Variants in SEPTIN9 observed in about 807,000 individuals in gnomAD.
SEPTIN9 encodes the protein septin 9, also known as septin-9.
Under a neutral mutation model 56.6 loss-of-function variants are expected in SEPTIN9, and 13 were observed. The observed-to-expected ratio is 0.23, with a 90% CI of 0.15 to 0.37. The LOEUF (loss-of-function observed/expected upper bound fraction) is 0.37, where lower values mean the gene tolerates loss of function less well. Among genes scored for constraint, SEPTIN9 ranks in the 10% least tolerant of loss-of-function variants. SEPTIN9 has a pLI of 1.00. For synonymous variants in SEPTIN9, 332 were observed against 334.1 expected (o/e 0.99, Z 0.07); for missense variants, 650 against 823.1 (o/e 0.79, Z 2.57).
At chr17:77,418,555 C>A (rs2036582125) in intron 3 of SEPTIN9, among the ~76,000 whole-genome samples, 1 of 152,140 alleles carries the variant, frequency 6.6e-6, no homozygotes, top group African/African-American at 2.4e-5. Context: ...GTTGGCCAGG[C>A]TGGTCTTGAA....
At chr17:77,355,507 C>T (rs1308079348) in intron 2 of SEPTIN9, among the ~76,000 whole-genome samples, 1 of 152,124 alleles carries the variant, frequency 6.6e-6, no homozygotes, top group East Asian at 1.9e-4. Flanking sequence ...GTGGCTGTTC[C>T]CTTGTGTCAC....
intron 1 of SEPTIN9, among the ~76,000 whole-genome samples, chr17:77,296,809 C>T (rs1344216435): frequency 6.6e-6 from 1 of 151,962 alleles, no homozygotes; most frequent in Non-Finnish European, 1.5e-5. Flanking sequence ...GCTGAGATCA[C>T]GCCACTGCAC....
chr17:77,464,138 A>G (rs1459633387), intron 3 of SEPTIN9, among the ~76,000 whole-genome samples: 1 of 152,016 alleles, frequency 6.6e-6, no homozygotes, highest in Admixed American at 6.6e-5. Context: ...CAGTGGCACG[A>G]TCTCGGCTTA....
intron 3 of SEPTIN9, among the ~76,000 whole-genome samples, chr17:77,448,752 C>T (rs1466897963): frequency 4.0e-5 from 6 of 151,634 alleles, no homozygotes; most frequent in Non-Finnish European, 7.4e-5. Flanking sequence ...ATCACCTGTT[C>T]TTACATTTTT....
chr17:77,383,751 C>T lies in SEPTIN9; in HGVS notation c.77-18308C>T, dbSNP rs756272899. Among the ~76,000 whole-genome samples the T allele has an allele frequency of 4.6e-5, 7 of 152,224 alleles. No homozygotes were observed. The East Asian group carries it at 9.7e-4, about 21-fold the overall frequency. ...GAGGTGTCAGCATCGTGGGGATCTC[C>T]GAGGGTAGCCTTCCCAGGCCCAGGG... is the stretch of plus-strand genomic sequence containing the variant. On this transcript the variant is annotated intron_variant, in intron 2 of 11. Coordinates refer to ENST00000427177, the MANE Select transcript of SEPTIN9 (RefSeq NM_001113491.2).
chr17:77,402,017 G>T lies in SEPTIN9; in HGVS notation c.77-42G>T. On this transcript the variant is annotated intron_variant, in intron 2 of 11. Transcript: ENST00000427177. This position sits in a 1 kb window ranked among gnomAD's most constrained non-coding sequence, Gnocchi z 6.6. Reference sequence around the variant, plus strand: ...AGGAAACATGCCGGAGTGTTCCCTAGCCATCCATTCACCAATTGCATCCCC... The same window carrying T: ...AGGAAACATGCCGGAGTGTTCCCTATCCATCCATTCACCAATTGCATCCCC... 6.3e-7 allele frequency: 1 copy of T among 1,591,666 alleles called. No homozygotes were observed. Among genetic ancestry groups the T allele is most frequent in the Non-Finnish European group, 8.6e-7 (1 of 1,165,190 alleles).
At chr17:77,442,761 T>A (rs2037596415) in intron 3 of SEPTIN9, among the ~76,000 whole-genome samples, 1 of 151,948 alleles carries the variant, frequency 6.6e-6, no homozygotes, top group African/African-American at 2.4e-5. Flanking sequence ...TAATCCCAGC[T>A]ACTTGGGAAG....
chr17:77,348,578 G>A lies in SEPTIN9; in HGVS notation c.76+41381G>A, dbSNP rs112801913. 4.1e-3 allele frequency among the ~76,000 whole-genome samples: 619 copies of A among 152,268 alleles called. 3 individuals carry two copies. Among genetic ancestry groups the A allele is most frequent in the African/African-American group, 0.014 (601 of 41,552 alleles). On this transcript the variant is annotated intron_variant, in intron 2 of 11. Coordinates refer to ENST00000427177, the MANE Select transcript of SEPTIN9 (RefSeq NM_001113491.2). ...GCCTCCCAAAGTGCTGGGATTACAA[G>A]CGTGAGCCACTGAGCCCGGCCTGTT...
chr17:77,288,578 A>T (rs2031383714), intron 1 of SEPTIN9, among the ~76,000 whole-genome samples: 2 of 152,346 alleles, frequency 1.3e-5, no homozygotes, highest in African/African-American at 4.8e-5. Context: ...CAGCCTTCCC[A>T]TGAACTATGG....
rs868374537 is a variant in SEPTIN9 at position 77,317,879 on chromosome 17, C to T, written c.76+10682C>T. On this transcript the variant is annotated intron_variant, in intron 2 of 11. Coordinates refer to ENST00000427177, the MANE Select transcript of SEPTIN9 (RefSeq NM_001113491.2). This position sits in a 1 kb window ranked among gnomAD's most constrained non-coding sequence, Gnocchi z 4.2. ...CAGCCTGGCCAATATGGTGAAACCC[C>T]GTTTCTACTAAAAATACAAAAATTA... Among the ~76,000 whole-genome samples, 1 of 151,932 alleles carries T rather than the reference C, an allele frequency of 6.6e-6. No individual in the cohort carries two copies. The highest frequency in any genetic ancestry group is 1.5e-5 in the Non-Finnish European group (1 of 67,992).
chr17:77,394,982 A>G (rs2035657017), intron 2 of SEPTIN9, among the ~76,000 whole-genome samples: 1 of 151,862 alleles, frequency 6.6e-6, no homozygotes, highest in Non-Finnish European at 1.5e-5. Context: ...GGGCTGTGAG[A>G]TGTTTTTCCA....
intron 1 of SEPTIN9, among the ~76,000 whole-genome samples, chr17:77,284,266 G>A (rs1353758035): frequency 6.6e-6 from 1 of 152,174 alleles, no homozygotes. Context: ...AATAGACACG[G>A]CACTCCAGCC....
At chr17:77,457,350 G>A (rs1289923099) in intron 3 of SEPTIN9, among the ~76,000 whole-genome samples, 1 of 152,128 alleles carries the variant, frequency 6.6e-6, no homozygotes, top group Non-Finnish European at 1.5e-5. Flanking sequence ...CCTCACCTTG[G>A]GCTGGGAAGC....
chr17:77,440,327 G>C (rs999126992), intron 3 of SEPTIN9, among the ~76,000 whole-genome samples: 2 of 151,928 alleles, frequency 1.3e-5, no homozygotes, highest in African/African-American at 2.4e-5. Flanking sequence ...GCGAATTTTT[G>C]TATTTTTAGT....
At chr17:77,386,169 C>T (rs2002573) in intron 2 of SEPTIN9, among the ~76,000 whole-genome samples, 39,597 of 152,050 alleles carry the variant, frequency 0.26, 5,597 homozygotes, top group East Asian at 0.5. Context: ...CTGAAACCTG[C>T]GATTTAATGA....
At chr17:77,404,909 C>T (rs1321020582) in intron 3 of SEPTIN9, among the ~76,000 whole-genome samples, 3 of 152,218 alleles carry the variant, frequency 2.0e-5, no homozygotes, top group Non-Finnish European at 4.4e-5. Flanking sequence ...GGTGTCAGGC[C>T]AAAGGCATGG....
chr17:77,436,763 CT>C lies in SEPTIN9; in HGVS notation c.721+34062del, dbSNP rs1568068405. ...CCCATCCTGGGAGTGACTGAAAGTC[CT>C]TGGGGGTTCCTGCAGGGTGAGCTGC... On this transcript the variant is annotated intron_variant, in intron 3 of 11. Transcript: ENST00000427177. The surrounding 1 kb of genome is among the most constrained non-coding windows in gnomAD (Gnocchi z 4.4). 1.3e-5 allele frequency among the ~76,000 whole-genome samples: 2 copies of C among 152,346 alleles called. No individual in the cohort carries two copies. Among genetic ancestry groups the C allele is most frequent in the African/African-American group, 4.8e-5 (2 of 41,578 alleles).
chr17:77,427,492 C>T (rs1454054839), intron 3 of SEPTIN9, among the ~76,000 whole-genome samples: 4 of 152,320 alleles, frequency 2.6e-5, no homozygotes, highest in South Asian at 2.1e-4. Flanking sequence ...CCCCGTCCTC[C>T]GGGCTCTGGC....
chr17:77,349,972 A>G (rs766869530), intron 2 of SEPTIN9, among the ~76,000 whole-genome samples: 1 of 152,278 alleles, frequency 6.6e-6, no homozygotes, highest in East Asian at 1.9e-4. Context: ...TCATTAGTAC[A>G]GTCCAGAAAA....
Sources: gnomAD v4.1 joint callset for allele counts (sites outside exome capture counted in the v4.1 genomes callset) on GRCh38, gnomAD v4.1.1 for gene constraint, Gnocchi (gnomAD v3.1) non-coding constraint, MANE v1.5 for transcripts, NCBI Gene and HGNC (gene_info 2026-07-23, HGNC 2026-07-21) for gene names.